Variants in LDB2 observed in about 807,000 individuals in gnomAD.
The protein encoded by LDB2 is LIM domain-binding protein 2.
In LDB2, 12 loss-of-function variants were observed where a neutral mutation model predicts 44.3. The observed-to-expected ratio is 0.27, with a 90% CI of 0.17 to 0.44. LDB2 has a LOEUF of 0.44. LDB2 is among the 20% of genes least tolerant of loss of function. LDB2 has a pLI of 1.00. For synonymous variants in LDB2, 164 were observed against 174.8 expected (o/e 0.94, Z 0.49); for missense variants, 344 against 473.5 (o/e 0.73, Z 2.54).
intron 2 of LDB2, among the ~76,000 whole-genome samples, chr4:16,665,101 G>T (rs1368050027): frequency 6.6e-6 from 1 of 152,132 alleles, no homozygotes; most frequent in Non-Finnish European, 1.5e-5. Context: ...GTATGGGAGA[G>T]GGGGAAAAGA....
intron 2 of LDB2, among the ~76,000 whole-genome samples, chr4:16,607,559 G>A (rs1724279706): frequency 6.6e-6 from 1 of 152,308 alleles, no homozygotes; most frequent in South Asian, 2.1e-4. Flanking sequence ...AACAATAACT[G>A]CTTCAGTGGG....
chr4:16,628,736 T>A (rs1365053743), intron 2 of LDB2, among the ~76,000 whole-genome samples: 1 of 152,068 alleles, frequency 6.6e-6, no homozygotes, highest in East Asian at 1.9e-4. Context: ...ACCTGGTTCA[T>A]CTCACTGGGA....
intron 5 of LDB2, among the ~76,000 whole-genome samples, chr4:16,555,597 C>A (rs1739282104): frequency 6.6e-6 from 1 of 152,110 alleles, no homozygotes; most frequent in Non-Finnish European, 1.5e-5. Flanking sequence ...GCCTGGAATA[C>A]CCTTTCTCTC....
chr4:16,866,538 G>A (rs1714758748), intron 1 of LDB2, among the ~76,000 whole-genome samples: 1 of 152,114 alleles, frequency 6.6e-6, no homozygotes, highest in Non-Finnish European at 1.5e-5. Flanking sequence ...GCCTCAAAGG[G>A]AAGTGAGTGG....
intron 2 of LDB2, among the ~76,000 whole-genome samples, chr4:16,690,865 A>G (rs1350848915): frequency 2.0e-5 from 3 of 152,156 alleles, no homozygotes; most frequent in African/African-American, 7.2e-5. Context: ...AGTATTTTTA[A>G]TACAGTTAAA....
rs537270878 is a variant in LDB2, at chr4:16,795,479, T to C, written c.133-36219A>G. On this transcript the variant is annotated intron_variant, in intron 1 of 7. Coordinates refer to ENST00000304523, the MANE Select transcript of LDB2 (RefSeq NM_001290.5). ...CTCTAGTCCTAGTCCTGCTGGGCTT[T>C]ATCTTGAGGTCAACAGGAAACCCTT... Among the ~76,000 whole-genome samples, 4 of 152,260 alleles carry C rather than the reference T, an allele frequency of 2.6e-5. No homozygotes were observed. In the South Asian group the frequency reaches 6.2e-4, roughly 24 times the overall value.
chr4:16,801,541 T>C (rs1045541019), intron 1 of LDB2, among the ~76,000 whole-genome samples: 2 of 152,074 alleles, frequency 1.3e-5, no homozygotes, highest in African/African-American at 4.8e-5. Context: ...GGAAAACACT[T>C]TGGGGAACAA....
At chr4:16,873,328 A>G in intron 1 of LDB2, among the ~76,000 whole-genome samples, 1 of 152,214 alleles carries the variant, frequency 6.6e-6, no homozygotes, top group South Asian at 2.1e-4. Flanking sequence ...TCTTTTAACT[A>G]GAACCCTAAG....
At chr4:16,852,995 A>G (rs1788593803) in intron 1 of LDB2, among the ~76,000 whole-genome samples, 1 of 152,206 alleles carries the variant, frequency 6.6e-6, no homozygotes, top group Admixed American at 6.5e-5. Flanking sequence ...ATCACTTCTC[A>G]TTAGAAAGCA....
rs188791921 is a variant in LDB2 at position 16,599,257 on chromosome 4, C to T, written c.236-3382G>A. Among the ~76,000 whole-genome samples, 18 of 152,242 alleles carry T rather than the reference C, an allele frequency of 1.2e-4. No individual in the cohort carries two copies. In the East Asian group the frequency reaches 2.1e-3, roughly 18 times the overall value. ...GGCTGAATTCCTTTCTGGAGGTTCTCAGGGAGAATCTATCTTCTTGTTTGT... is the reference window on the plus strand; with the variant it reads ...GGCTGAATTCCTTTCTGGAGGTTCTTAGGGAGAATCTATCTTCTTGTTTGT... On this transcript the variant is annotated intron_variant, in intron 2 of 7. Coordinates refer to ENST00000304523, the MANE Select transcript of LDB2 (RefSeq NM_001290.5).
rs1050988744 is a variant in LDB2, at chr4:16,528,519, G to C, written c.616-16415C>G. ...GGCTGACATTGGAGGATTTTGAATA[G>C]AGGTAGACCAGTATTTGGGGCCTCC... On this transcript the variant is annotated intron_variant, in intron 5 of 7. Transcript: ENST00000304523. Among the ~76,000 whole-genome samples, 4 of 152,360 alleles carry C rather than the reference G, an allele frequency of 2.6e-5. No homozygotes were observed. In the East Asian group the frequency reaches 7.7e-4, roughly 29 times the overall value.
At chr4:16,705,496 C>G (rs1022656977) in intron 2 of LDB2, among the ~76,000 whole-genome samples, 1 of 152,118 alleles carries the variant, frequency 6.6e-6, no homozygotes, top group Non-Finnish European at 1.5e-5. Flanking sequence ...TGACCTAAAG[C>G]TGCTATCCCA....
chr4:16,859,661 C>T (rs962849475), intron 1 of LDB2, among the ~76,000 whole-genome samples: 4 of 152,114 alleles, frequency 2.6e-5, no homozygotes, highest in Admixed American at 2.6e-4. Context: ...ACTTGTAAAG[C>T]TGGGAGGGGC....
chr4:16,680,402 C>T (rs1473888940), intron 2 of LDB2, among the ~76,000 whole-genome samples: 2 of 152,148 alleles, frequency 1.3e-5, no homozygotes, highest in Non-Finnish European at 2.9e-5. Context: ...ATCTCAAGAC[C>T]ACCTCTGGCA....
intron 5 of LDB2, among the ~76,000 whole-genome samples, chr4:16,542,974 T>C (rs1413171366): frequency 7.6e-6 from 1 of 132,260 alleles, no homozygotes; most frequent in Non-Finnish European, 1.6e-5. Flanking sequence ...CCACCCTGTG[T>C]CCAAGTGTTC....
intron 1 of LDB2, among the ~76,000 whole-genome samples, chr4:16,821,393 T>A (rs547786449): frequency 2.3e-4 from 35 of 150,552 alleles, no homozygotes; most frequent in African/African-American, 7.1e-4. Context: ...TTTTATTTTT[T>A]TTTTTTTGGA....
At chr4:16,815,180 G>A (rs1466136690) in intron 1 of LDB2, among the ~76,000 whole-genome samples, 1 of 152,226 alleles carries the variant, frequency 6.6e-6, no homozygotes, top group Non-Finnish European at 1.5e-5. Context: ...TGGGAAGACA[G>A]TGTAAAATCC....
chr4:16,763,925 A>G (rs1348934910), intron 1 of LDB2, among the ~76,000 whole-genome samples: 1 of 151,744 alleles, frequency 6.6e-6, no homozygotes, highest in Admixed American at 6.6e-5. Context: ...CTAAACAGAA[A>G]CTGCCCGGCA....
At chr4:16,667,723 G>T (rs560263348) in intron 2 of LDB2, among the ~76,000 whole-genome samples, 1 of 152,238 alleles carries the variant, frequency 6.6e-6, no homozygotes, top group Non-Finnish European at 1.5e-5. Context: ...GGCATGCTCA[G>T]GCCTGGAGAA....
Sources: allele counts gnomAD v4.1 joint callset (sites outside exome capture counted in the v4.1 genomes callset), GRCh38; gene constraint gnomAD v4.1.1; transcripts MANE v1.5; gene names NCBI Gene and HGNC (gene_info 2026-07-23, HGNC 2026-07-21).